Variants in DRC8 observed in about 807,000 individuals in gnomAD.
DRC8 encodes dynein regulatory complex subunit 8.
the DRC8 span, among the ~76,000 whole-genome samples, chr1:244,990,173 C>T: frequency 6.6e-6 from 1 of 152,230 alleles, no homozygotes; most frequent in Non-Finnish European, 1.5e-5. Context: ...CTGTGTCATT[C>T]ACCTCACTTC....
At chr1:244,973,105 A>T in the DRC8 span, among the ~76,000 whole-genome samples, 3 of 152,190 alleles carry the variant, frequency 2.0e-5, no homozygotes. Flanking sequence ...GGATTCACTC[A>T]ACTAAACTCA....
chr1:245,111,255 G>A, the DRC8 span, among the ~76,000 whole-genome samples: 23 of 152,296 alleles, frequency 1.5e-4, no homozygotes, highest in African/African-American at 5.1e-4. Flanking sequence ...TGGGCACTGA[G>A]TCGAGACCAC....
chr1:245,108,086 T>A, the DRC8 span, among the ~76,000 whole-genome samples: 1 of 152,130 alleles, frequency 6.6e-6, no homozygotes, highest in African/African-American at 2.4e-5. Context: ...CACCCCGTCT[T>A]TTCAAAGAAC....
chr1:245,032,383 C>A, the DRC8 span, among the ~76,000 whole-genome samples: 1 of 152,204 alleles, frequency 6.6e-6, no homozygotes, highest in African/African-American at 2.4e-5. Context: ...ATGGTAGTTA[C>A]ACCAGCTCCT....
chr1:245,115,821 C>T, the DRC8 span, among the ~76,000 whole-genome samples: 4 of 151,922 alleles, frequency 2.6e-5, no homozygotes, highest in South Asian at 2.1e-4. Context: ...TGCCGTGGCT[C>T]GGCAGGAGGA....
At chr1:245,105,357 G>T in the DRC8 span, among the ~76,000 whole-genome samples, 381 of 151,806 alleles carry the variant, frequency 2.5e-3, 1 homozygote, top group African/African-American at 8.7e-3. Context: ...TTTTTAAAAA[G>T]ATTCTATCAT....
the DRC8 span, chr1:245,082,010 A>G: frequency 2.4e-6 from 3 of 1,258,114 alleles, no homozygotes; most frequent in Middle Eastern, 5.7e-4. Context: ...CACTTGGCAC[A>G]GTGCTTGGAA....
At chr1:245,098,305 G>A in the DRC8 span, among the ~76,000 whole-genome samples, 21 of 152,172 alleles carry the variant, frequency 1.4e-4, 1 homozygote, top group East Asian at 4.1e-3. Context: ...CTGGAGCTCC[G>A]GAGAGCCTGG....
the DRC8 span, among the ~76,000 whole-genome samples, chr1:245,101,885 A>G: frequency 5.9e-5 from 9 of 152,152 alleles, no homozygotes; most frequent in African/African-American, 2.2e-4. Flanking sequence ...GTTGGATTCT[A>G]AAAGCTTCCT....
At chr1:245,118,795 A>AAAAAAG in the DRC8 span, among the ~76,000 whole-genome samples, 4 of 138,574 alleles carry the variant, frequency 2.9e-5, no homozygotes, top group East Asian at 6.6e-4. Context: ...GCCATCTCAA[A>AAAAAAG]AAAAGAAAAG....
At chr1:245,045,062 T>A in the DRC8 span, among the ~76,000 whole-genome samples, 1 of 152,240 alleles carries the variant, frequency 6.6e-6, no homozygotes, top group Non-Finnish European at 1.5e-5. Context: ...GGCTGCCGTG[T>A]GATGGCAGCA....
At chr1:244,970,684 T>TCTCCCCCGCCCCGCCCCGCCTCG in the DRC8 span, 2 of 409,262 alleles carry the variant, frequency 4.9e-6, no homozygotes, top group African/African-American at 4.1e-5. Context: ...GCCCCGCCTC[T>TCTCCCCCGCCCCGCCCCGCCTCG]CTCCCCTCTT....
At chr1:244,993,607 C>A in the DRC8 span, among the ~76,000 whole-genome samples, 18 of 152,192 alleles carry the variant, frequency 1.2e-4, no homozygotes, top group African/African-American at 4.3e-4. Flanking sequence ...ATTTGTGCTG[C>A]TGTAACAGGA....
At chr1:245,016,980 G>T in the DRC8 span, among the ~76,000 whole-genome samples, 1 of 152,154 alleles carries the variant, frequency 6.6e-6, no homozygotes, top group South Asian at 2.1e-4. Context: ...GAGTATATGC[G>T]TATGTAAACA....
chr1:244,975,782 C>T, the DRC8 span, among the ~76,000 whole-genome samples: 1 of 152,082 alleles, frequency 6.6e-6, no homozygotes, highest in African/African-American at 2.4e-5. Context: ...ATCGCTTGAA[C>T]CCAGGAGGTG....
At chr1:245,119,932 C>CA in the DRC8 span, among the ~76,000 whole-genome samples, 22 of 99,696 alleles carry the variant, frequency 2.2e-4, no homozygotes, top group East Asian at 1.0e-3. Flanking sequence ...GACCCCGTCT[C>CA]AAAAAAAAAT....
chr1:245,027,157 G>C, the DRC8 span, among the ~76,000 whole-genome samples: 8 of 152,078 alleles, frequency 5.3e-5, no homozygotes, highest in Non-Finnish European at 8.8e-5. Flanking sequence ...TTAAAAATTG[G>C]TTTCTTATCA....
the DRC8 span, among the ~76,000 whole-genome samples, chr1:245,115,319 A>AT: frequency 6.6e-6 from 1 of 152,228 alleles, no homozygotes; most frequent in Admixed American, 6.5e-5. Flanking sequence ...AAGTGTTGGG[A>AT]TTACAGGCGT....
At chr1:245,114,200 C>T in the DRC8 span, among the ~76,000 whole-genome samples, 1 of 151,970 alleles carries the variant, frequency 6.6e-6, no homozygotes, top group African/African-American at 2.4e-5. Context: ...TGTGGTGGCT[C>T]ACACCTGTAA....
Sources: allele counts gnomAD v4.1 joint callset (sites outside exome capture counted in the v4.1 genomes callset), GRCh38; gene constraint gnomAD v4.1.1; transcripts MANE v1.5; gene names NCBI Gene and HGNC (gene_info 2026-07-23, HGNC 2026-07-21).